PRKAG2: variants seen among roughly 807,000 people sequenced by gnomAD.
PRKAG2 encodes 5'-AMP-activated protein kinase subunit gamma-2.
In PRKAG2, 26 loss-of-function variants were observed where a neutral mutation model predicts 69.6. That is an observed-to-expected ratio of 0.37 (90% CI 0.27 to 0.52). The LOEUF (loss-of-function observed/expected upper bound fraction) is 0.52, where lower values mean the gene tolerates loss of function less well. Ranked by LOEUF, PRKAG2 falls within the 20% of genes least tolerant of loss-of-function variation. PRKAG2 has a pLI of 0.90. For missense variants in PRKAG2, 557 were observed against 740.0 expected, an observed-to-expected ratio of 0.75 and a Z score of 2.87; for synonymous variants, 293 against 285.0, an observed-to-expected ratio of 1.03 and a Z score of -0.28.
intron 3 of PRKAG2, among the ~76,000 whole-genome samples, chr7:151,697,051 G>A (rs1297889599): frequency 1.3e-5 from 2 of 152,208 alleles, no homozygotes; most frequent in African/African-American, 2.4e-5. Flanking sequence ...CTGAGTCAGC[G>A]GGATGGAGGC....
rs1433638745 is a variant in PRKAG2, at chr7:151,572,701, A to T, written c.1014T>A (p.Ile338=). The stretch of plus-strand genomic sequence containing the variant: ...CAATTTTATGTTCCTCTAATTCATA[A>T]ATCTGTACCTGCAAATAAAAAAATT... ...HRYYKSPMVQ[I]YELEEHKIET... The change falls in exon 9 of 16, where the codon ATT becomes ATA. Residue 338 remains isoleucine (I), a synonymous_variant. Transcript: ENST00000287878. The T allele has an allele frequency of 1.9e-6, 3 of 1,586,218 alleles. No individual in the cohort carries two copies. In the Admixed American group the frequency reaches 5.0e-5, roughly 27 times the overall value.
chr7:151,751,336 G>A (rs1204556026), intron 3 of PRKAG2, among the ~76,000 whole-genome samples: 1 of 151,508 alleles, frequency 6.6e-6, no homozygotes, highest in Non-Finnish European at 1.5e-5. Context: ...GGATGGTCTC[G>A]ATCTCCTGAC....
At chr7:151,841,105 T>C (rs901846672) in intron 1 of PRKAG2, among the ~76,000 whole-genome samples, 13 of 152,050 alleles carry the variant, frequency 8.5e-5, no homozygotes, top group African/African-American at 2.7e-4. Flanking sequence ...TCTCTCACCC[T>C]GCCTCCTGAG....
chr7:151,713,832 T>TA (rs1022041671), intron 3 of PRKAG2, among the ~76,000 whole-genome samples: 3 of 152,108 alleles, frequency 2.0e-5, no homozygotes, highest in Non-Finnish European at 2.9e-5. Context: ...TACCTCGGCC[T>TA]CCCAAAGTGC....
chr7:151,581,287 T>C (rs764637353), intron 6 of PRKAG2, among the ~76,000 whole-genome samples: 30 of 152,266 alleles, frequency 2.0e-4, no homozygotes, highest in Admixed American at 7.2e-4. Flanking sequence ...AATTAAATGC[T>C]ATTCTAGGCA....
rs535015553 is a variant in PRKAG2, at chr7:151,670,974, G to T, written c.684+4446C>A. On this transcript the variant is annotated intron_variant, in intron 4 of 15. Transcript: ENST00000287878. ...GATTCACCTGAGGTCAAGAGTTCAAGACCAGCCTGGCCAACATGGCAAAAC... is the reference window on the plus strand; with the variant it reads ...GATTCACCTGAGGTCAAGAGTTCAATACCAGCCTGGCCAACATGGCAAAAC... Among the ~76,000 whole-genome samples the T allele has an allele frequency of 1.6e-3, 241 of 152,220 alleles. 1 individual carries two copies. The highest frequency in any genetic ancestry group is 5.4e-3 in the African/African-American group (225 of 41,526).
At chr7:151,831,859 G>T (rs2079032928) in intron 1 of PRKAG2, among the ~76,000 whole-genome samples, 1 of 152,174 alleles carries the variant, frequency 6.6e-6, no homozygotes, top group African/African-American at 2.4e-5. Flanking sequence ...AGGATCAGAG[G>T]CCGCTAGGGA....
chr7:151,869,170 G>T (rs1271796699), intron 1 of PRKAG2, among the ~76,000 whole-genome samples: 1 of 152,178 alleles, frequency 6.6e-6, no homozygotes. Context: ...CATGTGAAAA[G>T]ATGCAATATC....
intron 3 of PRKAG2, among the ~76,000 whole-genome samples, chr7:151,732,331 GT>G (rs1427410672): frequency 6.6e-6 from 1 of 151,712 alleles, no homozygotes; most frequent in South Asian, 2.1e-4. Context: ...TAGAGATGGG[GT>G]TTTACCACAT....
intron 3 of PRKAG2, among the ~76,000 whole-genome samples, chr7:151,737,356 A>G (rs1040393136): frequency 1.1e-4 from 16 of 151,494 alleles, no homozygotes; most frequent in Admixed American, 1.3e-4. Flanking sequence ...AAAAAAAAAA[A>G]AGAGAGATTT....
intron 5 of PRKAG2, 63 bp from the exon 6 acceptor site, chr7:151,595,517 A>G (rs1323869746): frequency 8.9e-7 from 1 of 1,123,736 alleles, no homozygotes; most frequent in Non-Finnish European, 1.3e-6. Context: ...GATGAAGAGC[A>G]TATACGTAAA....
In PRKAG2 at chr7:151,786,454, G is replaced by A; in HGVS notation, c.186+16C>T. 6.2e-7 allele frequency: 1 copy of A among 1,602,736 alleles called. No homozygotes were observed. Among genetic ancestry groups the A allele is most frequent in the Non-Finnish European group, 8.5e-7 (1 of 1,173,292 alleles). On this transcript the variant is annotated intron_variant, in intron 2 of 15. Transcript: ENST00000287878. Reference sequence around the variant, plus strand: ...CTCAAGTGAGCTGTGAGAAACTTCTGGAAAGGAGGTCTTACCTTTCGAGAG... The same window carrying A: ...CTCAAGTGAGCTGTGAGAAACTTCTAGAAAGGAGGTCTTACCTTTCGAGAG...
intron 5 of PRKAG2, among the ~76,000 whole-genome samples, chr7:151,601,865 G>A (rs142810415): frequency 3.5e-3 from 536 of 152,358 alleles, no homozygotes; most frequent in Non-Finnish European, 6.2e-3. Context: ...AGGGGACAGT[G>A]ACTGTCATCA....
Position 151,781,821 on chromosome 7 carries a change from C to CA in PRKAG2, c.187-391dup. Among the ~76,000 whole-genome samples, 1 of 152,316 alleles carries CA rather than the reference C, an allele frequency of 6.6e-6. No individual in the cohort carries two copies. The highest frequency in any genetic ancestry group is 1.5e-5 in the Non-Finnish European group (1 of 68,026). On this transcript the variant is annotated intron_variant, in intron 2 of 15. Transcript: ENST00000287878. This position sits in a 1 kb window ranked among gnomAD's most constrained non-coding sequence, Gnocchi z 6.1. ...TCCAAGTTCTGACCACACAGGACTG[C>CA]AGTCCTCTTGCCTGCCTATAAGATC... is the stretch of plus-strand genomic sequence containing the variant.
chr7:151,623,990 C>T (rs1239699039), intron 5 of PRKAG2, among the ~76,000 whole-genome samples: 1 of 152,084 alleles, frequency 6.6e-6, no homozygotes, highest in Non-Finnish European at 1.5e-5. Flanking sequence ...AAAATAACAA[C>T]TTATTGCTAG....
At chr7:151,722,683 T>C (rs1586063528) in intron 3 of PRKAG2, among the ~76,000 whole-genome samples, 1 of 152,086 alleles carries the variant, frequency 6.6e-6, no homozygotes, top group East Asian at 1.9e-4. Context: ...GAGGTTCGTG[T>C]GCAAGGGAAG....
chr7:151,565,283 C>A (rs1584940721), intron 13 of PRKAG2, 63 bp downstream of exon 13: 8 of 1,225,270 alleles, frequency 6.5e-6, no homozygotes, highest in Non-Finnish European at 7.9e-6. Flanking sequence ...AACATAAAAA[C>A]ACATTACATG....
At chr7:151,830,187 T>G (rs1235652436) in intron 1 of PRKAG2, among the ~76,000 whole-genome samples, 6 of 151,506 alleles carry the variant, frequency 4.0e-5, no homozygotes, top group African/African-American at 1.2e-4. Context: ...TTCAGCGGTT[T>G]GCCATTCGCC....
chr7:151,577,340 A>T (rs897173420), intron 6 of PRKAG2, among the ~76,000 whole-genome samples: 13 of 152,272 alleles, frequency 8.5e-5, no homozygotes, highest in African/African-American at 2.7e-4. Flanking sequence ...AAGGTATCAT[A>T]CTTGAAGATT....
Sources: allele counts gnomAD v4.1 joint callset (sites outside exome capture counted in the v4.1 genomes callset), GRCh38; gene constraint gnomAD v4.1.1; non-coding constraint Gnocchi (gnomAD v3.1); transcripts MANE v1.5; gene names NCBI Gene and HGNC (gene_info 2026-07-23, HGNC 2026-07-21).